The following AFG2A variants were observed in gnomAD, a reference collection of about 807,000 sequenced individuals.
AFG2A encodes ATPase family gene 2 protein homolog A.
chr4:123,041,277 A>ATTTTTTTTTTTTTTT, the AFG2A span, among the ~76,000 whole-genome samples: 59 of 118,120 alleles, frequency 5.0e-4, no homozygotes, highest in Middle Eastern at 4.5e-3. Flanking sequence ...CGCCCAGCTA[A>ATTTTTTTTTTTTTTT]TTTTTTTTTT....
At chr4:123,212,629 C>A in the AFG2A span, among the ~76,000 whole-genome samples, 1 of 152,104 alleles carries the variant, frequency 6.6e-6, no homozygotes, top group South Asian at 2.1e-4. Flanking sequence ...AAAAGAGCCA[C>A]AGCTTGCAGT....
chr4:123,231,491 T>C, the AFG2A span, among the ~76,000 whole-genome samples: 16 of 145,124 alleles, frequency 1.1e-4, no homozygotes, highest in Admixed American at 6.1e-4. Context: ...TTGTGGTTGG[T>C]TTGATCTTTT....
At chr4:123,148,688 A>T in the AFG2A span, among the ~76,000 whole-genome samples, 1 of 152,050 alleles carries the variant, frequency 6.6e-6, no homozygotes, top group Non-Finnish European at 1.5e-5. Flanking sequence ...TGTTTCTTTG[A>T]TTACAAATAG....
chr4:122,994,228 A>AT, the AFG2A span, among the ~76,000 whole-genome samples: 2 of 152,136 alleles, frequency 1.3e-5, no homozygotes, highest in Non-Finnish European at 2.9e-5. Context: ...CATTTTTAGA[A>AT]TAAAAATGCC....
chr4:123,258,925 G>T, the AFG2A span, among the ~76,000 whole-genome samples: 1 of 145,638 alleles, frequency 6.9e-6, no homozygotes, highest in Admixed American at 7.0e-5. Context: ...GGAGTGCAGT[G>T]GCACGATCTT....
chr4:123,285,098 C>T, the AFG2A span, among the ~76,000 whole-genome samples: 47 of 152,062 alleles, frequency 3.1e-4, no homozygotes, highest in Admixed American at 2.4e-3. Context: ...GCTTCTCAAA[C>T]CCTGGCAGTA....
the AFG2A span, among the ~76,000 whole-genome samples, chr4:123,124,786 C>G: frequency 6.6e-6 from 1 of 152,098 alleles, no homozygotes. Flanking sequence ...AAATAGTTAA[C>G]TTGGGTCAGA....
the AFG2A span, among the ~76,000 whole-genome samples, chr4:123,089,832 C>T: frequency 6.6e-6 from 1 of 152,186 alleles, no homozygotes; most frequent in Non-Finnish European, 1.5e-5. Flanking sequence ...AAGTGACCCA[C>T]CTGCCTCGGC....
At chr4:123,168,308 G>T in the AFG2A span, among the ~76,000 whole-genome samples, 1 of 152,064 alleles carries the variant, frequency 6.6e-6, no homozygotes. Context: ...TGCTTGACAT[G>T]TTACTTTTCC....
At chr4:123,159,487 A>G in the AFG2A span, among the ~76,000 whole-genome samples, 2 of 152,216 alleles carry the variant, frequency 1.3e-5, no homozygotes, top group Admixed American at 6.5e-5. Flanking sequence ...CAATTAAACT[A>G]TGATATGCAT....
the AFG2A span, among the ~76,000 whole-genome samples, chr4:123,120,413 G>A: frequency 1.6e-3 from 247 of 152,152 alleles, no homozygotes; most frequent in Middle Eastern, 0.014. Flanking sequence ...CATTTTATCC[G>A]TTATAATTAA....
At chr4:122,936,191 A>T in the AFG2A span, 1 of 1,552,068 alleles carries the variant, frequency 6.4e-7, no homozygotes, top group Non-Finnish European at 8.8e-7. Flanking sequence ...GGAATTAATA[A>T]TCAAGGCTGT....
At chr4:123,089,875 G>T in the AFG2A span, among the ~76,000 whole-genome samples, 1 of 152,052 alleles carries the variant, frequency 6.6e-6, no homozygotes, top group Non-Finnish European at 1.5e-5. Flanking sequence ...GAGCCACTGC[G>T]CCTGGCCCGA....
the AFG2A span, among the ~76,000 whole-genome samples, chr4:123,124,640 A>C: frequency 4.6e-5 from 7 of 152,336 alleles, no homozygotes; most frequent in South Asian, 6.2e-4. Flanking sequence ...AGTATTAAAA[A>C]AACAACAACA....
the AFG2A span, among the ~76,000 whole-genome samples, chr4:122,924,909 A>G: frequency 6.6e-6 from 1 of 152,352 alleles, no homozygotes; most frequent in East Asian, 1.9e-4. Context: ...GTAAATTTCA[A>G]TAAAAGCTTC....
At chr4:122,959,693 A>T in the AFG2A span, among the ~76,000 whole-genome samples, 1 of 152,334 alleles carries the variant, frequency 6.6e-6, no homozygotes, top group South Asian at 2.1e-4. Context: ...TGTTTGTAGG[A>T]TATGAATACA....
At chr4:123,308,412 C>G in the AFG2A span, among the ~76,000 whole-genome samples, 1 of 152,166 alleles carries the variant, frequency 6.6e-6, no homozygotes, top group African/African-American at 2.4e-5. Context: ...ATGTCAGGAA[C>G]CAGGCCACAC....
chr4:123,128,713 G>GA, the AFG2A span, among the ~76,000 whole-genome samples: 32 of 149,494 alleles, frequency 2.1e-4, no homozygotes, highest in Non-Finnish European at 4.0e-4. Flanking sequence ...TTCAGTGACT[G>GA]AAAAAAAAAT....
chr4:123,032,765 T>G, the AFG2A span, among the ~76,000 whole-genome samples: 183 of 152,324 alleles, frequency 1.2e-3, no homozygotes, highest in African/African-American at 4.1e-3. Context: ...TACTCCCTCA[T>G]GATGCCTGGC....
Sources: allele counts gnomAD v4.1 joint callset (sites outside exome capture counted in the v4.1 genomes callset), GRCh38; gene constraint gnomAD v4.1.1; transcripts MANE v1.5; gene names NCBI Gene and HGNC (gene_info 2026-07-23, HGNC 2026-07-21).